Variants in HACD3 observed in about 807,000 individuals in gnomAD.
The protein encoded by HACD3 is very-long-chain (3R)-3-hydroxyacyl-CoA dehydratase 3.
Under a neutral mutation model 55.2 loss-of-function variants are expected in HACD3, and 30 were observed. The ratio of observed to expected loss-of-function variants is 0.54; its 90% CI spans 0.41 to 0.74. The LOEUF (loss-of-function observed/expected upper bound fraction) is 0.74. HACD3 is among the 30% of genes least tolerant of loss of function. The pLI is 0.00. For synonymous variants in HACD3, 141 were observed against 151.7 expected (o/e 0.93, Z 0.52); for missense variants, 363 against 440.1 (o/e 0.82, Z 1.57).
intron 1 of HACD3, among the ~76,000 whole-genome samples, chr15:65,536,757 A>G (rs1284317768): frequency 6.6e-6 from 1 of 152,090 alleles, no homozygotes; most frequent in Non-Finnish European, 1.5e-5. Flanking sequence ...CTCAAAAACA[A>G]AACAAACAAA....
At chr15:65,532,868 C>A (rs571165756) in intron 1 of HACD3, among the ~76,000 whole-genome samples, 1 of 152,046 alleles carries the variant, frequency 6.6e-6, no homozygotes, top group East Asian at 1.9e-4. Flanking sequence ...TGAGTCAGAC[C>A]CAGCTTTTCA....
intron 2 of HACD3, among the ~76,000 whole-genome samples, chr15:65,553,593 C>T (rs999795537): frequency 1.3e-5 from 2 of 152,200 alleles, no homozygotes; most frequent in African/African-American, 4.8e-5. Context: ...TTTGTATCTG[C>T]TTTTCAAGAT....
At chr15:65,569,528 G>C (rs1405558543) in intron 7 of HACD3, among the ~76,000 whole-genome samples, 1 of 152,108 alleles carries the variant, frequency 6.6e-6, no homozygotes, top group Non-Finnish European at 1.5e-5. Context: ...GGCCAACACA[G>C]TGAGACCCCG....
At chr15:65,559,594 T>A (rs1167638640) in intron 5 of HACD3, among the ~76,000 whole-genome samples, 1 of 151,656 alleles carries the variant, frequency 6.6e-6, no homozygotes, top group African/African-American at 2.4e-5. Flanking sequence ...GAGGAGTAGA[T>A]CACACAAACA....
Position 65,571,615 on chromosome 15 carries a change from CTG to C in HACD3, c.844_845del (p.Trp282AspfsTer24). 6.2e-7 allele frequency: 1 copy of C among 1,613,838 alleles called. No individual in the cohort carries two copies. Among genetic ancestry groups the C allele is most frequent in the Non-Finnish European group, 8.5e-7 (1 of 1,179,730 alleles). On this transcript the variant is annotated frameshift_variant, in exon 9 of 11. Transcript: ENST00000261875. LOFTEE classifies it high-confidence loss of function. ...GGTGCTCACATGGCTTCGTTACACT[CTG>C]TGGATTCCCTTATATCCACTGGGAT... is the stretch of plus-strand genomic sequence containing the variant. ...WKVLTWLRYTLWIPLYPLGCL... is the reference protein window; with the variant it reads ...WKVLTWLRYTXWIPLYPLGCL...
At position 65,576,485 on chromosome 15, in the gene HACD3, T is replaced by C. The variant is rs774068600; in HGVS notation, c.*106T>C. On this transcript the variant is annotated 3_prime_UTR_variant, in exon 11 of 11. Coordinates refer to ENST00000261875, the MANE Select transcript of HACD3 (RefSeq NM_016395.4). Reference sequence around the variant, plus strand: ...GTTTTTTTAATGTTAAATGATTAAATTCTCAGTGAGGCTATCTTCCTTTTC... The same window carrying C: ...GTTTTTTTAATGTTAAATGATTAAACTCTCAGTGAGGCTATCTTCCTTTTC... The C allele has an allele frequency of 5.1e-6, 6 of 1,187,222 alleles. No homozygotes were observed. The highest frequency in any genetic ancestry group is 7.0e-6 in the Non-Finnish European group (6 of 856,322). The allele number at this position is 1,187,222 out of a possible 1,614,324, so 73.5% of individuals were successfully genotyped here.
intron 1 of HACD3, among the ~76,000 whole-genome samples, chr15:65,533,490 A>G (rs946958932): frequency 6.6e-6 from 1 of 152,190 alleles, no homozygotes; most frequent in African/African-American, 2.4e-5. Context: ...CATAGCCACT[A>G]TGTATTTGTC....
chr15:65,556,917 C>G lies in HACD3; in HGVS notation c.369+14C>G. On this transcript the variant is annotated intron_variant, in intron 4 of 10. Coordinates refer to ENST00000261875, the MANE Select transcript of HACD3 (RefSeq NM_016395.4). The stretch of plus-strand genomic sequence containing the variant: ...CTCAGAGCTAAGGTTAGTAAGGATC[C>G]TAGGATCTAGCCATTGAGGACAAAT... 3.1e-6 allele frequency: 5 copies of G among 1,604,052 alleles called. No individual in the cohort carries two copies. Among genetic ancestry groups the G allele is most frequent in the Non-Finnish European group, 4.3e-6 (5 of 1,174,194 alleles).
chr15:65,550,666 G>A (rs1406514380), intron 1 of HACD3, among the ~76,000 whole-genome samples: 1 of 152,158 alleles, frequency 6.6e-6, no homozygotes, highest in East Asian at 1.9e-4. Flanking sequence ...AACAATAGTC[G>A]TTTATTGTCT....
chr15:65,547,806 A>T (rs1265103181), intron 1 of HACD3, among the ~76,000 whole-genome samples: 1 of 152,248 alleles, frequency 6.6e-6, no homozygotes, highest in Non-Finnish European at 1.5e-5. Context: ...GAGATTCTGA[A>T]AATGGGATGA....
At chr15:65,550,335 C>T (rs1003495763) in intron 1 of HACD3, among the ~76,000 whole-genome samples, 1 of 151,650 alleles carries the variant, frequency 6.6e-6, no homozygotes, top group Non-Finnish European at 1.5e-5. Flanking sequence ...TACAGTGAGC[C>T]GAGACTGAGC....
chr15:65,534,061 A>G (rs867028912), intron 1 of HACD3, among the ~76,000 whole-genome samples: 1,792 of 152,174 alleles, frequency 0.012, 46 homozygotes, highest in African/African-American at 0.042. Context: ...AAAAAAAAAA[A>G]AAAAGAAAAG....
intron 2 of HACD3, among the ~76,000 whole-genome samples, chr15:65,553,823 T>C (rs2072159896): frequency 6.6e-6 from 1 of 152,002 alleles, no homozygotes; most frequent in African/African-American, 2.4e-5. Flanking sequence ...GGGAACCAAA[T>C]GGTAAATGAA....
At chr15:65,535,638 A>C (rs2071946644) in intron 1 of HACD3, 2 of 398,198 alleles carry the variant, frequency 5.0e-6, no homozygotes, top group Non-Finnish European at 8.8e-6. Context: ...AATAGTTCAG[A>C]TTTTTTCATT....
At chr15:65,575,816 G>A (rs574572511) in intron 10 of HACD3, among the ~76,000 whole-genome samples, 1 of 152,226 alleles carries the variant, frequency 6.6e-6, no homozygotes, top group Non-Finnish European at 1.5e-5. Flanking sequence ...TGGGAGGCTG[G>A]GTGTGGTGGC....
intron 1 of HACD3, among the ~76,000 whole-genome samples, chr15:65,547,121 T>C (rs1327977555): frequency 4.9e-5 from 7 of 143,394 alleles, no homozygotes; most frequent in Admixed American, 4.9e-4. Context: ...GTTCCCAGGA[T>C]TTTTTTTTTT....
intron 2 of HACD3, chr15:65,553,012 G>A (rs1007176827): frequency 1.3e-5 from 2 of 151,968 alleles, no homozygotes; most frequent in African/African-American, 4.8e-5. Context: ...TCCCTACAAA[G>A]GACATGAACT....
At chr15:65,561,357 T>C (rs1323365797) in intron 5 of HACD3, among the ~76,000 whole-genome samples, 1 of 151,826 alleles carries the variant, frequency 6.6e-6, no homozygotes, top group Non-Finnish European at 1.5e-5. Context: ...TCTCAGCTAC[T>C]CGGGAGGCTG....
rs528232139 is a variant in HACD3 at position 65,548,726 on chromosome 15, C to G, written c.88-2950C>G. Among the ~76,000 whole-genome samples, 11 of 152,038 alleles carry G rather than the reference C, an allele frequency of 7.2e-5. No individual in the cohort carries two copies. In the South Asian group the frequency reaches 1.5e-3, roughly 20 times the overall value. On this transcript the variant is annotated intron_variant, in intron 1 of 10. Transcript: ENST00000261875. The stretch of plus-strand genomic sequence containing the variant: ...TAGCTGGGACCGCAGGCATGTGCCA[C>G]CACACTTGGCTAATTTTTTTATTTT...
Sources: gnomAD v4.1 joint callset for allele counts (sites outside exome capture counted in the v4.1 genomes callset) on GRCh38, gnomAD v4.1.1 for gene constraint, MANE v1.5 for transcripts, NCBI Gene and HGNC (gene_info 2026-07-23, HGNC 2026-07-21) for gene names.